ZAP70: variants seen among roughly 807,000 people sequenced by gnomAD.
The protein encoded by ZAP70 is tyrosine-protein kinase ZAP-70.
ZAP70 carries 27 observed loss-of-function variants against 65.8 expected under a neutral mutation model. That is an observed-to-expected ratio of 0.41 (90% CI 0.30 to 0.57). The LOEUF is 0.57. Ranked by LOEUF, ZAP70 falls within the 20% of genes least tolerant of loss-of-function variation. ZAP70 has a pLI of 0.28. For synonymous variants in ZAP70, 363 were observed against 360.8 expected, an observed-to-expected ratio of 1.01 and a Z score of -0.07; for missense variants, 696 against 870.5, an observed-to-expected ratio of 0.80 and a Z score of 2.52.
intron 3 of ZAP70, chr2:97,724,654 G>T (rs1280255132): frequency 1.3e-5 from 20 of 1,530,614 alleles, no homozygotes; most frequent in Non-Finnish European, 1.7e-5. Flanking sequence ...GCTGAGCGAT[G>T]CTATGGTGCT....
At chr2:97,725,041 G>A in intron 3 of ZAP70, 51 bp from the exon 4 acceptor site, 2 of 1,609,532 alleles carry the variant, frequency 1.2e-6, no homozygotes, top group Middle Eastern at 1.7e-4. Flanking sequence ...GGGGGTTCCT[G>A]TGGCGAGCAC....
rs995787609 is a variant in ZAP70, at chr2:97,736,003, T to A, written c.1289+547T>A. 6.6e-6 allele frequency among the ~76,000 whole-genome samples: 1 copy of A among 151,988 alleles called. No homozygotes were observed. Among genetic ancestry groups the A allele is most frequent in the African/African-American group, 2.4e-5 (1 of 41,370 alleles). On this transcript the variant is annotated intron_variant, in intron 10 of 13. Transcript: ENST00000264972. The surrounding 1 kb of genome is among the most constrained non-coding windows in gnomAD (Gnocchi z 4.0). The stretch of plus-strand genomic sequence containing the variant: ...AGCCTGGGGACAGAGCGAAACTCCA[T>A]CTCAAAAAAATAAATAAATAAAAAT...
rs777494689 is a variant in ZAP70, at chr2:97,724,210, C to T, written c.174C>T (p.His58=). ...LSLVHDVRFH[H]FPIERQLNGT... ...TCGTGCACGATGTGCGCTTCCACCACTTTCCCATCGAGCGCCAGCTCAACG... is the reference window on the plus strand; with the variant it reads ...TCGTGCACGATGTGCGCTTCCACCATTTTCCCATCGAGCGCCAGCTCAACG... The change falls in exon 3 of 14, where the codon CAC becomes CAT. Residue 58 remains histidine, a synonymous_variant. Transcript: ENST00000264972. 1 of 1,600,982 alleles carries T rather than the reference C, an allele frequency of 6.2e-7. No homozygotes were observed. The highest frequency in any genetic ancestry group is 2.2e-5 in the East Asian group (1 of 44,532).
chr2:97,748,251 T>C, the ZAP70 span, among the ~76,000 whole-genome samples: 1 of 152,220 alleles, frequency 6.6e-6, no homozygotes, highest in Non-Finnish European at 1.5e-5. Context: ...CCCAGAATGG[T>C]TGGGGAAAAC....
rs1321776015 is a variant in ZAP70, at chr2:97,725,197, C to T, written c.508C>T (p.Arg170Cys). The T allele has an allele frequency of 2.5e-6, 4 of 1,614,042 alleles. No homozygotes were observed. Among genetic ancestry groups the T allele is most frequent in the Admixed American group, 3.3e-5 (2 of 60,010 alleles). Reference protein sequence around the residue: ...RMPWYHSSLTREEAERKLYSG... With the variant: ...RMPWYHSSLTCEEAERKLYSG... ...GCCCTGGTACCACAGCAGCCTGACG[C>T]GTGAGGAGGCCGAGCGCAAACTTTA... Residue 170 changes from arginine (R) to cysteine (C), a missense_variant, in exon 4 of 14, where the codon CGT becomes TGT. Coordinates refer to ENST00000264972, the MANE Select transcript of ZAP70 (RefSeq NM_001079.4).
At chr2:97,728,107 C>CA (rs797014347) in intron 4 of ZAP70, among the ~76,000 whole-genome samples, 2 of 152,334 alleles carry the variant, frequency 1.3e-5, no homozygotes, top group South Asian at 4.1e-4. Context: ...AGGAAAAGTT[C>CA]AAACAGTTTT....
chr2:97,723,977 A>T, intron 2 of ZAP70, 39 bp from the exon 3 acceptor site: 1 of 1,531,766 alleles, frequency 6.5e-7, no homozygotes, highest in Non-Finnish European at 8.7e-7. Context: ...CAGGTTCAGG[A>T]AGGCCCTGAC....
downstream of ZAP70, among the ~76,000 whole-genome samples, chr2:97,742,600 G>C (rs916153748): frequency 5.9e-5 from 9 of 152,210 alleles, no homozygotes; most frequent in South Asian, 1.7e-3. Flanking sequence ...TTCTCTGTTG[G>C]AGGCTGGGGT....
the ZAP70 span, among the ~76,000 whole-genome samples, chr2:97,753,192 C>T: frequency 6.6e-6 from 1 of 152,238 alleles, no homozygotes; most frequent in Non-Finnish European, 1.5e-5. Context: ...TTTACCTACA[C>T]TGTTTTGTAA....
downstream of ZAP70, among the ~76,000 whole-genome samples, chr2:97,741,369 G>A (rs1256484387): frequency 6.6e-6 from 1 of 151,980 alleles, no homozygotes; most frequent in African/African-American, 2.4e-5. Flanking sequence ...TGCATTCACC[G>A]CTGCCGCTGC....
chr2:97,724,873 C>T (rs1465827352), intron 3 of ZAP70: 9 of 1,528,924 alleles, frequency 5.9e-6, no homozygotes, highest in Non-Finnish European at 7.9e-6. Flanking sequence ...GCTGGAGATG[C>T]GCTTGGGGCC....
At position 97,735,232 on chromosome 2, in the gene ZAP70, C is replaced by T. The variant is rs1237957870; in HGVS notation, c.1083-18C>T. 7.4e-6 allele frequency: 12 copies of T among 1,613,430 alleles called. No individual in the cohort carries two copies. Among genetic ancestry groups the T allele is most frequent in the South Asian group, 1.1e-5 (1 of 91,078 alleles). ...CGGTGCCCCTCGCCCACGTGCCTCC[C>T]GTGGCCGGGTCGGGCAGGAAGCAGA... is the stretch of plus-strand genomic sequence containing the variant. On this transcript the variant is annotated intron_variant, in intron 9 of 13. Transcript: ENST00000264972.
In ZAP70 at chr2:97,731,491, C is replaced by A. The variant is rs1205973651; in HGVS notation, c.564-1392C>A. 6.6e-6 allele frequency among the ~76,000 whole-genome samples: 1 copy of A among 152,162 alleles called. No individual in the cohort carries two copies. Among genetic ancestry groups the A allele is most frequent in the Non-Finnish European group, 1.5e-5 (1 of 68,042 alleles). ...CTTTTGTGTGCCCTCATTGCCCCCG[C>A]CCTGATTTCCCATCTCTCCATGTTA... On this transcript the variant is annotated intron_variant, in intron 4 of 13. Transcript: ENST00000264972. The surrounding 1 kb of genome is among the most constrained non-coding windows in gnomAD (Gnocchi z 4.0).
intron 9 of ZAP70, 163 bp downstream of exon 9, chr2:97,734,875 C>A (rs950300188): frequency 4.1e-6 from 4 of 966,264 alleles, no homozygotes; most frequent in Admixed American, 2.2e-5. Flanking sequence ...CCTGAGAGAG[C>A]TCGGGACACC....
downstream of ZAP70, among the ~76,000 whole-genome samples, chr2:97,743,893 T>C (rs184060498): frequency 3.9e-5 from 6 of 152,320 alleles, no homozygotes; most frequent in East Asian, 1.9e-4. Flanking sequence ...GGGCCCTGCA[T>C]TGGTACTAGC....
downstream of ZAP70, among the ~76,000 whole-genome samples, chr2:97,740,632 G>C (rs1026375596): frequency 1.3e-5 from 2 of 152,170 alleles, no homozygotes; most frequent in Non-Finnish European, 2.9e-5. Flanking sequence ...AGACCCACCA[G>C]AGATGTCCGC....
chr2:97,726,790 C>T (rs1408902380), intron 4 of ZAP70, among the ~76,000 whole-genome samples: 2 of 152,256 alleles, frequency 1.3e-5, no homozygotes, highest in South Asian at 2.1e-4. Context: ...TACTCAGTTG[C>T]CGGCACAACT....
In ZAP70 at chr2:97,736,205, G is replaced by A. The variant is rs1677874057; in HGVS notation, c.1289+749G>A. On this transcript the variant is annotated intron_variant, in intron 10 of 13. Transcript: ENST00000264972. This position sits in a 1 kb window ranked among gnomAD's most constrained non-coding sequence, Gnocchi z 4.0. Reference sequence around the variant, plus strand: ...TTTTTTTTTTTAAAGAAACAAAAACGAAGATGTGACAGAGATCACTTGTGG... The same window carrying A: ...TTTTTTTTTTTAAAGAAACAAAAACAAAGATGTGACAGAGATCACTTGTGG... 2.6e-5 allele frequency among the ~76,000 whole-genome samples: 4 copies of A among 151,536 alleles called. No homozygotes were observed. Among genetic ancestry groups the A allele is most frequent in the East Asian group, 1.9e-4 (1 of 5,158 alleles).
intron 4 of ZAP70, 139 bp from the exon 5 acceptor site, chr2:97,732,744 C>A: frequency 7.8e-7 from 1 of 1,284,664 alleles, no homozygotes; most frequent in Non-Finnish European, 1.1e-6. Context: ...GGGGGCCTGG[C>A]CTGGCTTCCC....
Sources: gnomAD v4.1 joint callset for allele counts (sites outside exome capture counted in the v4.1 genomes callset) on GRCh38, gnomAD v4.1.1 for gene constraint, Gnocchi (gnomAD v3.1) non-coding constraint, MANE v1.5 for transcripts, NCBI Gene and HGNC (gene_info 2026-07-23, HGNC 2026-07-21) for gene names.